DPP4: variants seen among roughly 807,000 people sequenced by gnomAD.
The protein encoded by DPP4 is dipeptidyl peptidase 4, also known as ADCP-2.
Under a neutral mutation model 122.4 loss-of-function variants are expected in DPP4, and 93 were observed. That is an observed-to-expected ratio of 0.76 (90% confidence interval 0.64 to 0.90). The LOEUF (loss-of-function observed/expected upper bound fraction) is 0.90. Ranked by LOEUF, DPP4 falls within the 40% of genes least tolerant of loss-of-function variation. The probability of loss-of-function intolerance (pLI) is 0.00; values close to 1 mark genes in which losing one functional copy is unlikely to be tolerated. For missense variants in DPP4, 914 were observed against 907.3 expected (o/e 1.01, Z -0.09); for synonymous variants, 321 against 302.9 (o/e 1.06, Z -0.62).
In DPP4 at chr2:162,074,113, C is replaced by G; in HGVS notation, c.-132G>C. 1.4e-6 allele frequency: 2 copies of G among 1,457,074 alleles called. No individual in the cohort carries two copies. Among genetic ancestry groups the G allele is most frequent in the South Asian group, 1.4e-5 (1 of 69,524 alleles). The allele number at this position is 1,457,074 out of a possible 1,614,324, so 90.3% of individuals were successfully genotyped here. On this transcript the variant is annotated 5_prime_UTR_variant, in exon 1 of 26. Coordinates refer to ENST00000360534, the MANE Select transcript of DPP4 (RefSeq NM_001935.4). The stretch of plus-strand genomic sequence containing the variant: ...ACTCGCCGCTGGCAAGTTTCGGCCC[C>G]GAGTTAAACATTAGTGAGCGCCGAG...
chr2:162,008,761 C>A, intron 21 of DPP4, 100 bp from the exon 22 acceptor site: 1 of 1,039,176 alleles, frequency 9.6e-7, no homozygotes. Context: ...ATATACTGTG[C>A]CTCTTTAGAG....
In DPP4 at chr2:162,038,295, T is replaced by C. The variant is rs199817989; in HGVS notation, c.613+7A>G. 3.2e-5 allele frequency: 49 copies of C among 1,547,988 alleles called. No homozygotes were observed. Among genetic ancestry groups the C allele is most frequent in the Non-Finnish European group, 4.2e-5 (48 of 1,153,516 alleles). Reference sequence around the variant, plus strand: ...TTTCTGATTTGAAAAAGCTTTAAAGTTTCTACCTTCATAAACCCAGTCAGT... The same window carrying C: ...TTTCTGATTTGAAAAAGCTTTAAAGCTTCTACCTTCATAAACCCAGTCAGT... On this transcript the variant is annotated splice_region_variant and intron_variant, in intron 8 of 25. Coordinates refer to ENST00000360534, the MANE Select transcript of DPP4 (RefSeq NM_001935.4).
chr2:162,034,765 T>C (rs1330182054), intron 9 of DPP4, among the ~76,000 whole-genome samples: 1 of 152,206 alleles, frequency 6.6e-6, no homozygotes, highest in Non-Finnish European at 1.5e-5. Context: ...TGTATCCCGT[T>C]AACTAGTAAT....
chr2:162,033,667 A>G lies in DPP4; in HGVS notation c.775-14T>C, dbSNP rs1403045178. On this transcript the variant is annotated splice_polypyrimidine_tract_variant and intron_variant, in intron 9 of 25. Transcript: ENST00000360534. ...CACAGCTCCTGCCTAGGAAAAAATA[A>G]TCACAGAATTGGTATTGACAAAAAA... 4 of 1,571,240 alleles carry G rather than the reference A, an allele frequency of 2.5e-6. No individual in the cohort carries two copies. The highest frequency in any genetic ancestry group is 3.7e-5 in the Admixed American group (2 of 54,790).
At chr2:162,064,827 A>T (rs914595313) in intron 2 of DPP4, among the ~76,000 whole-genome samples, 1 of 152,238 alleles carries the variant, frequency 6.6e-6, no homozygotes, top group Non-Finnish European at 1.5e-5. Flanking sequence ...AAGCACACTG[A>T]TTTGCAATAA....
intron 5 of DPP4, among the ~76,000 whole-genome samples, chr2:162,040,331 TAAAC>T (rs891098415): frequency 9.2e-5 from 14 of 152,222 alleles, no homozygotes; most frequent in Admixed American, 6.5e-4. Flanking sequence ...GGTGAGTGGA[TAAAC>T]AAACTGTAGT....
chr2:162,045,985 T>C (rs1430725753), intron 4 of DPP4, among the ~76,000 whole-genome samples: 1 of 152,180 alleles, frequency 6.6e-6, no homozygotes, highest in Non-Finnish European at 1.5e-5. Flanking sequence ...GGGGCGCTGG[T>C]GTCAGACAGA....
chr2:162,057,175 T>C (rs1163042826), intron 2 of DPP4, among the ~76,000 whole-genome samples: 1 of 152,212 alleles, frequency 6.6e-6, no homozygotes. Flanking sequence ...GCTGTTCCTG[T>C]GACTATGAAA....
chr2:162,047,136 G>T, intron 3 of DPP4, 130 bp from the exon 4 acceptor site: 1 of 580,492 alleles, frequency 1.7e-6, no homozygotes. Flanking sequence ...AAACATGAAT[G>T]ATATTATACT....
At chr2:162,068,969 A>G (rs1559728663) in intron 2 of DPP4, among the ~76,000 whole-genome samples, 1 of 152,156 alleles carries the variant, frequency 6.6e-6, no homozygotes, top group Non-Finnish European at 1.5e-5. Flanking sequence ...GGGATCCTTC[A>G]GCCCCAGTCA....
At chr2:162,023,672 A>T (rs1049516700) in intron 11 of DPP4, among the ~76,000 whole-genome samples, 6 of 151,906 alleles carry the variant, frequency 3.9e-5, no homozygotes, top group African/African-American at 1.5e-4. Context: ...CTTCTTTTGC[A>T]CTCTATTCCC....
At chr2:162,041,265 T>C (rs189062024) in intron 5 of DPP4, among the ~76,000 whole-genome samples, 2 of 152,336 alleles carry the variant, frequency 1.3e-5, no homozygotes, top group Admixed American at 1.3e-4. Context: ...GTTACTTGTC[T>C]ATACGTCTGC....
At chr2:162,056,009 C>T (rs1335466509) in intron 2 of DPP4, among the ~76,000 whole-genome samples, 5 of 152,160 alleles carry the variant, frequency 3.3e-5, no homozygotes, top group Non-Finnish European at 7.4e-5. Flanking sequence ...TTGCTATATG[C>T]TCTTCCTGGA....
intron 10 of DPP4, among the ~76,000 whole-genome samples, chr2:162,029,711 G>T (rs1317282861): frequency 6.6e-6 from 1 of 152,182 alleles, no homozygotes; most frequent in Non-Finnish European, 1.5e-5. Context: ...CAGGGATGGG[G>T]TATGTCATGA....
rs183314519 is a variant in DPP4, at chr2:162,048,678, C to T, written c.95-1177G>A. Among the ~76,000 whole-genome samples, 91 of 152,274 alleles carry T rather than the reference C, an allele frequency of 6.0e-4. No individual in the cohort carries two copies. The East Asian group carries it at 8.7e-3, about 15-fold the overall frequency. On this transcript the variant is annotated intron_variant, in intron 2 of 25. Coordinates refer to ENST00000360534, the MANE Select transcript of DPP4 (RefSeq NM_001935.4). The stretch of plus-strand genomic sequence containing the variant: ...CCTGCTTTCCTGGTTGTCATAATCA[C>T]TACCCTCAAATTCCCATCTCTTTCA...
chr2:162,067,589 GTTTATC>G (rs1238328860), intron 2 of DPP4, among the ~76,000 whole-genome samples: 1 of 152,136 alleles, frequency 6.6e-6, no homozygotes, highest in Non-Finnish European at 1.5e-5. Flanking sequence ...AAAGCACATA[GTTTATC>G]TTTAAATTTG....
intron 10 of DPP4, among the ~76,000 whole-genome samples, chr2:162,027,428 C>T (rs1242503055): frequency 2.0e-5 from 3 of 151,922 alleles, no homozygotes; most frequent in Non-Finnish European, 2.9e-5. Flanking sequence ...GGCCCATAAA[C>T]CCTAGTGTGT....
chr2:162,020,196 G>A (rs1683070108), intron 14 of DPP4, 33 bp downstream of exon 14: 1 of 1,573,656 alleles, frequency 6.4e-7, no homozygotes, highest in Admixed American at 1.8e-5. Flanking sequence ...ATGACAAGTA[G>A]GTTTATATCC....
chr2:162,044,964 C>CT (rs370441659), intron 5 of DPP4, among the ~76,000 whole-genome samples: 3,662 of 142,036 alleles, frequency 0.026, 58 homozygotes, highest in African/African-American at 0.042. Flanking sequence ...TTCTTTCTTT[C>CT]TTTTTTTTTT....
Sources: gnomAD v4.1 joint callset for allele counts (sites outside exome capture counted in the v4.1 genomes callset) on GRCh38, gnomAD v4.1.1 for gene constraint, MANE v1.5 for transcripts, NCBI Gene and HGNC (gene_info 2026-07-23, HGNC 2026-07-21) for gene names.